Variants in IGSF1 observed in about 807,000 individuals in gnomAD.
IGSF1 encodes the protein immunoglobulin superfamily member 1.
A neutral mutation model predicts 95.3 loss-of-function variants in IGSF1; 40 were observed. The observed-to-expected ratio is 0.42, with a 90% confidence interval of 0.33 to 0.55. The LOEUF (loss-of-function observed/expected upper bound fraction) is 0.55. Among genes scored for constraint, IGSF1 ranks in the 20% least tolerant of loss-of-function variants. The pLI is 0.10. For synonymous variants in IGSF1, 372 were observed against 382.9 expected (o/e 0.97, Z 0.33); for missense variants, 906 against 1,025.4 (o/e 0.88, Z 1.59).
At chrX:131,274,325 C>T in intron 18 of IGSF1, 119 bp from the exon 19 acceptor site, 1 of 949,350 alleles carries the variant, frequency 1.1e-6, no homozygotes, top group Non-Finnish European at 1.5e-6. Context: ...GCCATCTGTT[C>T]AGACTACAGA....
At chrX:131,279,048 C>A (rs1411934583) in intron 11 of IGSF1, 95 bp downstream of exon 11, 12 of 951,964 alleles carry the variant, frequency 1.3e-5, no homozygotes, top group Non-Finnish European at 1.8e-5. Context: ...CCCTTCCCTC[C>A]CAACCAGCCA....
chrX:131,283,988 C>T (rs1197161381), intron 5 of IGSF1, among the ~76,000 whole-genome samples: 3 of 111,937 alleles, frequency 2.7e-5, no homozygotes, highest in African/African-American at 9.8e-5. Flanking sequence ...GACACAGTCT[C>T]CGCTAGCAAA....
intron 7 of IGSF1, 55 bp downstream of exon 7, chrX:131,282,389 C>T (rs748063848): frequency 9.6e-7 from 1 of 1,046,137 alleles, no homozygotes; most frequent in East Asian, 3.0e-5. Context: ...CTTACAACAC[C>T]ACAATGATGA....
At chrX:131,285,131 T>C (rs2080615271) in intron 5 of IGSF1, 48 bp downstream of exon 5, 11 of 1,143,422 alleles carry the variant, frequency 9.6e-6, no homozygotes, top group African/African-American at 1.8e-5. Context: ...CCAGCCATGA[T>C]ACCTGGGACA....
In IGSF1 at chrX:131,281,467, T is replaced by C. The variant is rs1454972337; in HGVS notation, c.1526-129A>G. On this transcript the variant is annotated intron_variant, in intron 8 of 19. Transcript: ENST00000361420. ...AGAAGGTGAGGCAGAAGTGGCCTTC[T>C]TTTTCATGGAGAATGGGAGCCTTGA... The C allele has an allele frequency of 8.7e-6, 8 of 919,168 alleles. No homozygotes were observed. In the South Asian group the frequency reaches 9.4e-5, roughly 11 times the overall value. 75.7% of individuals were successfully genotyped at this position (919,168 alleles called of 1,213,427 possible). A position where few individuals can be genotyped will look rare whatever the true frequency, so the allele number is the denominator to read the frequency against.
intron 9 of IGSF1, among the ~76,000 whole-genome samples, chrX:131,280,766 C>CT (rs201597205): frequency 0.046 from 5,186 of 111,866 alleles, 97 homozygotes; most frequent in Admixed American, 0.089. Flanking sequence ...ACTAAGGCAA[C>CT]TAGGATGCGT....
At position 131,277,996 on chromosome X, in the gene IGSF1, C is replaced by A. The variant is rs780672123; in HGVS notation, c.2180G>T (p.Gly727Val). The change falls in exon 13 of 20, where the codon GGT (glycine) becomes GTT (valine). Residue 727 changes from glycine (G) to valine (V), a missense_variant. Gly to Val is a moderately radical substitution (Grantham distance 109). Around this residue, in one of 5 missense-constraint regions of IGSF1, gnomAD observed 411 missense variants for 494.9 expected, o/e 0.83. Coordinates refer to ENST00000361420, the MANE Select transcript of IGSF1 (RefSeq NM_001555.5). The stretch of plus-strand genomic sequence containing the variant: ...AAAGAAGGCTTCTCTTCCAACAGCA[C>A]CAAGTTGCTGGACAGGTTCTTGCTC... The part of the protein sequence containing the change: ...EGEQEPVQQL[G>V]AVGREAFFTI... 2 of 1,209,745 alleles carry A rather than the reference C, an allele frequency of 1.7e-6. No homozygotes were observed. The highest frequency in any genetic ancestry group is 2.2e-6 in the Non-Finnish European group (2 of 895,028).
Position 131,281,751 on chromosome X carries a change from C to T in IGSF1, c.1440G>A (p.Gly480=). 1 of 1,210,401 alleles carries T rather than the reference C, an allele frequency of 8.3e-7. No individual in the cohort carries two copies. ...CTACGCGATAGCTGCAACTGTAGGT[C>T]CCTGTGCCTTTCCCGTCAACATTAC... ...IISNVDGKGT[G]TYSCSYRVET... is the part of the protein sequence containing the mutation. Residue 480 remains glycine, a synonymous_variant, in exon 8 of 20, where the codon GGG becomes GGA. Coordinates refer to ENST00000361420, the MANE Select transcript of IGSF1 (RefSeq NM_001555.5).
At chrX:131,281,160 G>A in intron 9 of IGSF1, 58 bp downstream of exon 9, 1 of 1,180,717 alleles carries the variant, frequency 8.5e-7, no homozygotes. Flanking sequence ...ACTAGGGCAT[G>A]ACTCATTCTT....
In IGSF1 at chrX:131,279,161, C is replaced by A; in HGVS notation, c.1732G>T (p.Val578Leu). ...ALLCCGLCNG[V>L]LIEETEIVMP... ...AACTCACCAGTCTCTTCTATCAATACCCCATTGCACAGTCCTGCAAAAGAA... is the reference window on the plus strand; with the variant it reads ...AACTCACCAGTCTCTTCTATCAATAACCCATTGCACAGTCCTGCAAAAGAA... The change falls in exon 11 of 20, where the codon GTA (valine) becomes TTA (leucine). Residue 578 changes from valine (V) to leucine (L), a missense_variant. Physicochemically the swap from Val to Leu is conservative, Grantham distance 32. Coordinates refer to ENST00000361420, the MANE Select transcript of IGSF1 (RefSeq NM_001555.5). 5.8e-6 allele frequency: 7 copies of A among 1,210,218 alleles called. No homozygotes were observed. Among genetic ancestry groups the A allele is most frequent in the Non-Finnish European group, 6.7e-6 (6 of 893,953 alleles).
At chrX:131,285,601 C>T in intron 4 of IGSF1, 135 bp from the exon 5 acceptor site, 1 of 833,218 alleles carries the variant, frequency 1.2e-6, no homozygotes. Flanking sequence ...CCTATCTCTG[C>T]TCCAGAGTCT....
chrX:131,282,685 C>A lies in IGSF1; in HGVS notation c.1005G>T (p.Met335Ile). The change falls in exon 7 of 20, where the codon ATG (methionine) becomes ATT (isoleucine). Residue 335 changes from methionine to isoleucine, a missense_variant. Around this residue, in one of 5 missense-constraint regions of IGSF1, gnomAD observed 442 missense variants for 448.1 expected, o/e 0.99. Coordinates refer to ENST00000361420, the MANE Select transcript of IGSF1 (RefSeq NM_001555.5). ...LLARPSAVVQ[M>I]GQNVSLRCRG... The stretch of plus-strand genomic sequence containing the variant: ...GACACCGTAGGCTCACATTCTGACC[C>A]ATTTGGACCACAGCACTGGGCCGAG... 1 of 1,210,936 alleles carries A rather than the reference C, an allele frequency of 8.3e-7. No homozygotes were observed. The highest frequency in any genetic ancestry group is 1.8e-5 in the South Asian group (1 of 56,941).
Position 131,279,191 on chromosome X carries a change from C to T in IGSF1, c.1718-16G>A. On this transcript the variant is annotated splice_polypyrimidine_tract_variant and intron_variant, in intron 10 of 19. Coordinates refer to ENST00000361420, the MANE Select transcript of IGSF1 (RefSeq NM_001555.5). ...TTGCACAGTCCTGCAAAAGAAATTGCTGCCAGGACTCGGCCCCCTCCCCCA... is the reference window on the plus strand; with the variant it reads ...TTGCACAGTCCTGCAAAAGAAATTGTTGCCAGGACTCGGCCCCCTCCCCCA... 8.3e-7 allele frequency: 1 copy of T among 1,211,154 alleles called. No individual in the cohort carries two copies. Among genetic ancestry groups the T allele is most frequent in the Non-Finnish European group, 1.1e-6 (1 of 894,830 alleles).
rs774567439 is a variant in IGSF1, at chrX:131,279,191, C to G, written c.1718-16G>C. Reference sequence around the variant, plus strand: ...TTGCACAGTCCTGCAAAAGAAATTGCTGCCAGGACTCGGCCCCCTCCCCCA... The same window carrying G: ...TTGCACAGTCCTGCAAAAGAAATTGGTGCCAGGACTCGGCCCCCTCCCCCA... On this transcript the variant is annotated splice_polypyrimidine_tract_variant and intron_variant, in intron 10 of 19. Coordinates refer to ENST00000361420, the MANE Select transcript of IGSF1 (RefSeq NM_001555.5). 8.3e-7 allele frequency: 1 copy of G among 1,211,154 alleles called. No homozygotes were observed. Among genetic ancestry groups the G allele is most frequent in the Non-Finnish European group, 1.1e-6 (1 of 894,830 alleles).
In IGSF1 at chrX:131,276,063, C is replaced by T. The variant is rs2080469494; in HGVS notation, c.2794G>A (p.Val932Ile). ...TAGTTCCCAGAGTCCTCTGCTCCAA[C>T]AGTGTGGAGAAGGAAGTCAGCTGAG... ...GNSADFLLHT[V>I]GAEDSGNYSC... The change falls in exon 15 of 20, where the codon GTT (valine) becomes ATT (isoleucine). Residue 932 changes from valine to isoleucine, a missense_variant. By Grantham distance (29) the Val-to-Ile change is conservative. Around this residue, in one of 5 missense-constraint regions of IGSF1, gnomAD observed 411 missense variants for 494.9 expected, o/e 0.83. Transcript: ENST00000361420. The T allele has an allele frequency of 8.3e-7, 1 of 1,208,776 alleles. No homozygotes were observed. The highest frequency in any genetic ancestry group is 3.0e-5 in the East Asian group (1 of 33,823).
At chrX:131,274,933 C>A in intron 17 of IGSF1, 56 bp from the exon 18 acceptor site, 17 of 1,196,920 alleles carry the variant, frequency 1.4e-5, no homozygotes, top group Middle Eastern at 2.3e-4. Flanking sequence ...TAGCCTTTTA[C>A]CCCCTTATTG....
rs780114018 is a variant in IGSF1 at position 131,278,690 on chromosome X, C to G, written c.1812G>C (p.Pro604=). Residue 604 remains proline, a synonymous_variant, in exon 12 of 20, where the codon CCG becomes CCC. Transcript: ENST00000361420. ...LWAETNFPLA[P]WKNLTLWCRS... ...TGCACCAGAGGGTTAAGTTCTTCCA[C>G]GGGGCCAGAGGAAAGTTGGTCTCTG... 8.3e-7 allele frequency: 1 copy of G among 1,209,349 alleles called. No homozygotes were observed. The highest frequency in any genetic ancestry group is 1.7e-5 in the African/African-American group (1 of 57,219).
chrX:131,282,300 C>T, intron 7 of IGSF1, 144 bp downstream of exon 7: 1 of 466,383 alleles, frequency 2.1e-6, no homozygotes, highest in South Asian at 3.6e-5. Context: ...TCTACACCAC[C>T]TTCCTAGTGC....
At chrX:131,288,683 T>C (rs1379166938) in intron 1 of IGSF1, among the ~76,000 whole-genome samples, 1 of 111,129 alleles carries the variant, frequency 9.0e-6, no homozygotes, top group Non-Finnish European at 1.9e-5. Context: ...ATGAATCTTA[T>C]ACCGGGGGAA....
Sources: gnomAD v4.1 joint callset for allele counts (sites outside exome capture counted in the v4.1 genomes callset) on GRCh38, gnomAD v4.1.1 for gene constraint, gnomAD v4.1.1 regional missense constraint, MANE v1.5 for transcripts, NCBI Gene and HGNC (gene_info 2026-07-23, HGNC 2026-07-21) for gene names.